BBX: variants seen among roughly 807,000 people sequenced by gnomAD.
The protein encoded by BBX is HMG box transcription factor BBX.
A neutral mutation model predicts 100.2 loss-of-function variants in BBX; 30 were observed. That is an observed-to-expected ratio of 0.30 (90% CI 0.22 to 0.41). The LOEUF (loss-of-function observed/expected upper bound fraction) is 0.41, where lower values mean the gene tolerates loss of function less well. BBX is among the 10% of genes least tolerant of loss of function. The pLI is 1.00. For missense variants in BBX, 1,023 were observed against 1,129.8 expected (o/e 0.91, Z 1.35); for synonymous variants, 376 against 388.1 (o/e 0.97, Z 0.37).
Position 107,801,262 on chromosome 3 carries a change from G to A in BBX, c.2719G>A (p.Ala907Thr). Residue 907 changes from alanine (A) to threonine (T), a missense_variant, in exon 17 of 18, where the codon GCC becomes ACC. Physicochemically the swap from Ala to Thr is moderately conservative, Grantham distance 58. Transcript: ENST00000325805. ...FSLAALAEVAAMENVHRGQRS... is the reference protein window; with the variant it reads ...FSLAALAEVATMENVHRGQRS... ...CCTCGCTGCGCTGGCTGAAGTGGCA[G>A]CCATGGAAAATGTGCACAGGTTAGT... 2 of 1,614,026 alleles carry A rather than the reference G, an allele frequency of 1.2e-6. No homozygotes were observed. The highest frequency in any genetic ancestry group is 2.2e-5 in the East Asian group (1 of 44,870).
intron 17 of BBX, 99 bp from the exon 18 acceptor site, chr3:107,805,271 G>A: frequency 7.6e-7 from 1 of 1,324,082 alleles, no homozygotes; most frequent in East Asian, 2.4e-5. Flanking sequence ...AGCAGTAACT[G>A]TTAAACAAGA....
chr3:107,597,827 C>G (rs2053768547), intron 2 of BBX, among the ~76,000 whole-genome samples: 1 of 152,096 alleles, frequency 6.6e-6, no homozygotes, highest in Non-Finnish European at 1.5e-5. Context: ...CCCCTTGTGT[C>G]CTGCCCAGAG....
intron 3 of BBX, among the ~76,000 whole-genome samples, chr3:107,652,181 C>T (rs1326973693): frequency 2.3e-5 from 1 of 43,248 alleles, no homozygotes; most frequent in Non-Finnish European, 4.5e-5. Context: ...TTGATATAGG[C>T]TCAAATGAAC....
chr3:107,601,356 G>C (rs2054054121), intron 2 of BBX, among the ~76,000 whole-genome samples: 1 of 152,160 alleles, frequency 6.6e-6, no homozygotes. Context: ...TATTGAGGAA[G>C]GCATGTCAAA....
intron 2 of BBX, among the ~76,000 whole-genome samples, chr3:107,588,353 G>A (rs1056711994): frequency 1.3e-5 from 2 of 151,104 alleles, no homozygotes; most frequent in Non-Finnish European, 2.9e-5. Context: ...GCCTGGAGCA[G>A]GGGGTGAGGA....
intron 3 of BBX, among the ~76,000 whole-genome samples, chr3:107,671,125 G>T (rs1245521772): frequency 2.0e-5 from 3 of 149,690 alleles, no homozygotes; most frequent in African/African-American, 7.4e-5. Flanking sequence ...TACAACCTGC[G>T]CTTCCTTCAG....
rs922671961 is a variant in BBX, at chr3:107,807,736, A to G, written c.*2279A>G. The G allele has an allele frequency of 6.0e-5, 9 of 150,770 alleles. No individual in the cohort carries two copies. Among genetic ancestry groups the G allele is most frequent in the Non-Finnish European group, 8.9e-5 (6 of 67,706 alleles). The allele number at this position is 150,770 out of a possible 1,614,324, so 9.3% of individuals were successfully genotyped here. On this transcript the variant is annotated 3_prime_UTR_variant, in exon 18 of 18. Transcript: ENST00000325805. ...AAAAAAAAAAAAAGCAAAACAAAAGATTACTTTTTTTCTATGTGATTAATA... is the reference window on the plus strand; with the variant it reads ...AAAAAAAAAAAAAGCAAAACAAAAGGTTACTTTTTTTCTATGTGATTAATA...
chr3:107,757,565 C>T (rs890662965), intron 10 of BBX, among the ~76,000 whole-genome samples: 1 of 152,092 alleles, frequency 6.6e-6, no homozygotes, highest in African/African-American at 2.4e-5. Flanking sequence ...AACTTTCTGG[C>T]ATTGTTATTT....
chr3:107,751,741 A>G (rs968405496), intron 9 of BBX, among the ~76,000 whole-genome samples: 1 of 151,376 alleles, frequency 6.6e-6, no homozygotes, highest in African/African-American at 2.4e-5. Context: ...TACAGACTGC[A>G]GGGACAGTTT....
chr3:107,530,384 C>CCAAAA (rs56337631), intron 2 of BBX, among the ~76,000 whole-genome samples: 24,552 of 149,828 alleles, frequency 0.16, 2,331 homozygotes, highest in East Asian at 0.29. Flanking sequence ...GACTCTGTCT[C>CCAAAA]CAAAACAAAA....
chr3:107,599,876 G>T (rs1027633063), intron 2 of BBX, among the ~76,000 whole-genome samples: 1 of 151,632 alleles, frequency 6.6e-6, no homozygotes, highest in Non-Finnish European at 1.5e-5. Context: ...ACAAGATGAT[G>T]ATTTTTAATA....
chr3:107,656,334 A>G lies in BBX; in HGVS notation c.-10+10425A>G, dbSNP rs182328751. The stretch of plus-strand genomic sequence containing the variant: ...TTTTGAATATCTCTCAACAATTAAT[A>G]TATCTAAACTTGTTTTCAAGGTATT... On this transcript the variant is annotated intron_variant, in intron 3 of 17. Transcript: ENST00000325805. Among the ~76,000 whole-genome samples, 6 of 152,312 alleles carry G rather than the reference A, an allele frequency of 3.9e-5. No homozygotes were observed. The East Asian group carries it at 1.2e-3, about 29-fold the overall frequency.
chr3:107,701,086 A>G (rs976501983), intron 3 of BBX, among the ~76,000 whole-genome samples: 3 of 151,970 alleles, frequency 2.0e-5, no homozygotes, highest in Non-Finnish European at 4.4e-5. Context: ...ATTTCTCCAC[A>G]TCCTCTCCAG....
chr3:107,648,684 C>T (rs545955067), intron 3 of BBX, among the ~76,000 whole-genome samples: 46 of 152,226 alleles, frequency 3.0e-4, no homozygotes, highest in African/African-American at 1.1e-3. Flanking sequence ...AGATACTCTA[C>T]CTGAGGTCAC....
At chr3:107,528,213 G>T (rs1033054719) in intron 2 of BBX, among the ~76,000 whole-genome samples, 1 of 152,134 alleles carries the variant, frequency 6.6e-6, no homozygotes, top group East Asian at 1.9e-4. Flanking sequence ...TAGATTTGAG[G>T]CTTACTTATC....
At chr3:107,691,850 G>A (rs2060189415) in intron 3 of BBX, among the ~76,000 whole-genome samples, 1 of 152,212 alleles carries the variant, frequency 6.6e-6, no homozygotes, top group South Asian at 2.1e-4. Flanking sequence ...GGTGGGCGTT[G>A]CAGCAGCTAG....
At chr3:107,728,019 C>A (rs537814747) in intron 5 of BBX, among the ~76,000 whole-genome samples, 1 of 152,174 alleles carries the variant, frequency 6.6e-6, no homozygotes, top group Admixed American at 6.6e-5. Context: ...TTGAGAGAAA[C>A]GGTAACAGGA....
Position 107,773,092 on chromosome 3 carries a change from C to T in BBX, c.1371C>T (p.Ser457=), listed in dbSNP as rs755722203. The change falls in exon 11 of 18, where the codon AGC becomes AGT. Residue 457 remains serine (S), a synonymous_variant. Coordinates refer to ENST00000325805, the MANE Select transcript of BBX (RefSeq NM_001142568.3). This position sits in a 1 kb window ranked among gnomAD's most constrained non-coding sequence, Gnocchi z 4.1. The part of the protein sequence containing the change: ...PEKLKKKKKK[S]KMDRHGNDKS... ...AGCTAAAAAAGAAAAAGAAGAAAAGCAAAATGGATCGACATGGAAATGATA... is the reference window on the plus strand; with the variant it reads ...AGCTAAAAAAGAAAAAGAAGAAAAGTAAAATGGATCGACATGGAAATGATA... 4.3e-6 allele frequency: 7 copies of T among 1,612,922 alleles called. No individual in the cohort carries two copies. Among genetic ancestry groups the T allele is most frequent in the South Asian group, 1.1e-5 (1 of 90,852 alleles).
At chr3:107,717,850 A>G (rs1245769244) in intron 5 of BBX, among the ~76,000 whole-genome samples, 1 of 152,090 alleles carries the variant, frequency 6.6e-6, no homozygotes, top group Non-Finnish European at 1.5e-5. Context: ...TAATTCTAAC[A>G]TTATTTCCTC....
Sources: gnomAD v4.1 joint callset for allele counts (sites outside exome capture counted in the v4.1 genomes callset) on GRCh38, gnomAD v4.1.1 for gene constraint, Gnocchi (gnomAD v3.1) non-coding constraint, MANE v1.5 for transcripts, NCBI Gene and HGNC (gene_info 2026-07-23, HGNC 2026-07-21) for gene names.